The following FAM120B variants were observed in gnomAD, a reference collection of about 807,000 sequenced individuals.
The protein encoded by FAM120B is family with sequence similarity 120 member B.
In FAM120B, 83 loss-of-function variants were observed where a neutral mutation model predicts 96.3. That is an observed-to-expected ratio of 0.86 (90% confidence interval 0.72 to 1.03). The LOEUF (loss-of-function observed/expected upper bound fraction) is 1.03, where lower values mean the gene tolerates loss of function less well. FAM120B is among the 50% of genes least tolerant of loss of function. FAM120B has a pLI of 0.00. For missense variants in FAM120B, 1,027 were observed against 1,121.2 expected (o/e 0.92, Z 1.20); for synonymous variants, 407 against 402.7 (o/e 1.01, Z -0.13).
At chr6:170,400,311 T>C (rs144350096) in intron 9 of FAM120B, among the ~76,000 whole-genome samples, 2 of 152,072 alleles carry the variant, frequency 1.3e-5, no homozygotes, top group Non-Finnish European at 2.9e-5. Flanking sequence ...AAGGTAGAAC[T>C]ATGTCATTTA....
chr6:170,362,821 A>G (rs1197169730), intron 6 of FAM120B, among the ~76,000 whole-genome samples: 4 of 151,374 alleles, frequency 2.6e-5, no homozygotes, highest in African/African-American at 9.7e-5. Flanking sequence ...AGTTGGGACT[A>G]CAGGCGCACA....
At chr6:170,349,181 G>A (rs2084726907) in intron 5 of FAM120B, among the ~76,000 whole-genome samples, 1 of 152,082 alleles carries the variant, frequency 6.6e-6, no homozygotes, top group Admixed American at 6.5e-5. Flanking sequence ...GATTTAAGAT[G>A]ATTTTTGTCC....
At chr6:170,332,996 G>A (rs1786162223) in intron 4 of FAM120B, among the ~76,000 whole-genome samples, 1 of 151,948 alleles carries the variant, frequency 6.6e-6, no homozygotes, top group Non-Finnish European at 1.5e-5. Flanking sequence ...GAAATCACAA[G>A]TATTTTCCAA....
intron 2 of FAM120B, among the ~76,000 whole-genome samples, chr6:170,321,488 C>T (rs1220144107): frequency 6.6e-6 from 1 of 152,178 alleles, no homozygotes; most frequent in Non-Finnish European, 1.5e-5. Flanking sequence ...AGCAATTCTC[C>T]TGCCTCAGCC....
chr6:170,295,255 C>A (rs1783969270), upstream of FAM120B: 3 of 606,724 alleles, frequency 4.9e-6, no homozygotes, highest in Admixed American at 5.0e-5. This position sits in a 1 kb window ranked among gnomAD's most constrained non-coding sequence, Gnocchi z 7.8. Context: ...CCCCAACACA[C>A]ACACTCACTG....
chr6:170,403,234 A>G (rs1397548389), intron 9 of FAM120B, among the ~76,000 whole-genome samples: 1 of 152,346 alleles, frequency 6.6e-6, no homozygotes, highest in East Asian at 1.9e-4. Flanking sequence ...TTATACACAC[A>G]TGCACACACA....
intron 4 of FAM120B, among the ~76,000 whole-genome samples, chr6:170,341,174 G>A (rs1404221088): frequency 2.0e-5 from 3 of 152,208 alleles, no homozygotes; most frequent in African/African-American, 7.2e-5. Context: ...CCTGACTGGG[G>A]CTGCTGCCTT....
intron 1 of FAM120B, among the ~76,000 whole-genome samples, chr6:170,299,264 T>A (rs1037334549): frequency 6.6e-6 from 1 of 152,230 alleles, no homozygotes; most frequent in Admixed American, 6.5e-5. Flanking sequence ...CATTTCTACT[T>A]CTTCTTTGTT....
At chr6:170,320,364 T>G (rs1005727670) in intron 2 of FAM120B, among the ~76,000 whole-genome samples, 1 of 152,084 alleles carries the variant, frequency 6.6e-6, no homozygotes, top group African/African-American at 2.4e-5. Flanking sequence ...TATGATCAGA[T>G]TTTTGGTTTT....
In FAM120B at chr6:170,323,161, C is replaced by T. The variant is rs1002023776; in HGVS notation, c.1817C>T (p.Thr606Ile). ...MSSGEIECSN[T>I]LEDELDQALP... ...AGTGGAGAGATTGAATGCAGCAACA[C>T]CCTAGAAGATGAGCTTGACCAGGCC... Residue 606 changes from threonine (T) to isoleucine (I), a missense_variant, in exon 3 of 11, where the codon ACC becomes ATC. By Grantham distance (89) the Thr-to-Ile change is moderately conservative (BLOSUM62 -1). This residue lies in a region of FAM120B where 880 missense variants were observed against 980.9 expected (regional missense o/e 0.90). Transcript: ENST00000476287. 1.2e-6 allele frequency: 2 copies of T among 1,614,086 alleles called. No homozygotes were observed. Among genetic ancestry groups the T allele is most frequent in the Non-Finnish European group, 1.7e-6 (2 of 1,180,010 alleles).
intron 4 of FAM120B, among the ~76,000 whole-genome samples, chr6:170,337,895 T>A (rs1242168396): frequency 1.3e-5 from 2 of 152,186 alleles, no homozygotes; most frequent in East Asian, 3.8e-4. Flanking sequence ...ATCATTTTTA[T>A]TGTGTCTGTT....
chr6:170,397,350 T>C (rs1012077162), intron 9 of FAM120B, among the ~76,000 whole-genome samples: 5 of 152,086 alleles, frequency 3.3e-5, no homozygotes, highest in African/African-American at 1.2e-4. Flanking sequence ...ATCTGAGATC[T>C]CCTTGACAAG....
intron 1 of FAM120B, among the ~76,000 whole-genome samples, chr6:170,313,251 C>T (rs111604179): frequency 1.2e-4 from 18 of 152,254 alleles, no homozygotes; most frequent in African/African-American, 4.1e-4. Context: ...GATTTTCGGT[C>T]CCTGTTCTCA....
At chr6:170,354,597 A>G (rs1403027799) in intron 5 of FAM120B, among the ~76,000 whole-genome samples, 1 of 152,202 alleles carries the variant, frequency 6.6e-6, no homozygotes, top group African/African-American at 2.4e-5. Flanking sequence ...CCCATTAAAA[A>G]GTGGGCAAAA....
intron 9 of FAM120B, among the ~76,000 whole-genome samples, chr6:170,403,110 C>CAAGG (rs1778667493): frequency 6.6e-6 from 1 of 152,186 alleles, no homozygotes; most frequent in Admixed American, 6.5e-5. Context: ...AAGACAGAAG[C>CAAGG]AAGGATGCTA....
chr6:170,291,124 G>GC (rs1210407052), upstream of FAM120B: 687 of 354,502 alleles, frequency 1.9e-3, 3 homozygotes, highest in South Asian at 9.3e-3. Flanking sequence ...ACCCTTCCCC[G>GC]CCCCCCCAGT....
intron 1 of FAM120B, among the ~76,000 whole-genome samples, chr6:170,313,870 C>T (rs1784743592): frequency 1.3e-5 from 2 of 152,202 alleles, no homozygotes; most frequent in African/African-American, 2.4e-5. Context: ...TATTGGTTGT[C>T]CCGCAGAGGC....
At chr6:170,381,470 G>A (rs1273860070) in intron 6 of FAM120B, among the ~76,000 whole-genome samples, 1 of 152,050 alleles carries the variant, frequency 6.6e-6, no homozygotes, top group African/African-American at 2.4e-5. Context: ...AAGAATTAAT[G>A]CTAGTTCTAC....
At chr6:170,331,214 A>C (rs1016269720) in intron 4 of FAM120B, among the ~76,000 whole-genome samples, 8 of 152,174 alleles carry the variant, frequency 5.3e-5, no homozygotes, top group African/African-American at 1.9e-4. Context: ...TTCTACACAC[A>C]AACAGTTAAG....
Sources: gnomAD v4.1 joint callset for allele counts (sites outside exome capture counted in the v4.1 genomes callset) on GRCh38, gnomAD v4.1.1 for gene constraint, gnomAD v4.1.1 regional missense constraint, Gnocchi (gnomAD v3.1) non-coding constraint, MANE v1.5 for transcripts, NCBI Gene and HGNC (gene_info 2026-07-23, HGNC 2026-07-21) for gene names.